CATSPERE: variants seen among roughly 807,000 people sequenced by gnomAD.
CATSPERE encodes the protein catsper channel auxiliary subunit epsilon, also known as cation channel sperm-associated auxiliary subunit epsilon.
In CATSPERE, 93 loss-of-function variants were observed where a neutral mutation model predicts 114.1. The observed-to-expected ratio is 0.81, with a 90% CI of 0.69 to 0.97. The LOEUF is 0.97. Ranked by LOEUF, CATSPERE falls within the 50% of genes least tolerant of loss-of-function variation. The pLI is 0.00. For missense variants in CATSPERE, 1,058 were observed against 1,131.6 expected (o/e 0.93, Z 0.93); for synonymous variants, 341 against 384.1 (o/e 0.89, Z 1.31).
chr1:244,528,785 C>CCACGCACGCGCGCA (rs1553342506), intron 8 of CATSPERE, among the ~76,000 whole-genome samples: 11 of 130,584 alleles, frequency 8.4e-5, no homozygotes, highest in African/African-American at 3.2e-4. Flanking sequence ...CAATCCCCCA[C>CCACGCACGCGCGCA]CACACACACA....
At chr1:244,619,369 T>TA (rs1188357652) in intron 20 of CATSPERE, among the ~76,000 whole-genome samples, 1 of 152,160 alleles carries the variant, frequency 6.6e-6, no homozygotes, top group Non-Finnish European at 1.5e-5. Context: ...AGTTAATTTT[T>TA]AAAAATGCAG....
At chr1:244,597,886 T>A (rs143732007) in intron 17 of CATSPERE, among the ~76,000 whole-genome samples, 307 of 152,298 alleles carry the variant, frequency 2.0e-3, no homozygotes, top group African/African-American at 7.0e-3. Context: ...AAAATGCCCT[T>A]CAATAAGTAA....
In CATSPERE at chr1:244,477,721, T is replaced by A. The variant is rs557943935; in HGVS notation, c.188+107T>A. 148 of 1,000,120 alleles carry A rather than the reference T, an allele frequency of 1.5e-4. 4 individuals carry two copies. In the South Asian group the frequency reaches 2.3e-3, roughly 15 times the overall value. 62.0% of individuals were successfully genotyped at this position (1,000,120 alleles called of 1,614,324 possible). On this transcript the variant is annotated intron_variant, in intron 3 of 21. Transcript: ENST00000366534. ...GTGATTTAATATAAATTTTCTTTCA[T>A]TAAGTAGATGTGAAAAGCAAGACAA...
chr1:244,566,671 T>A (rs1207228556), intron 10 of CATSPERE, among the ~76,000 whole-genome samples: 3 of 121,746 alleles, frequency 2.5e-5, no homozygotes, highest in African/African-American at 9.0e-5. Context: ...TTTTTTTTTT[T>A]TTTTTTTTTT....
chr1:244,472,205 C>T (rs1282310349), intron 2 of CATSPERE, among the ~76,000 whole-genome samples: 2 of 152,186 alleles, frequency 1.3e-5, no homozygotes, highest in Non-Finnish European at 2.9e-5. Context: ...AAGCAGTCCT[C>T]CCATCTCAGC....
intron 14 of CATSPERE, among the ~76,000 whole-genome samples, chr1:244,588,868 G>A (rs1404661457): frequency 6.6e-6 from 1 of 152,110 alleles, no homozygotes; most frequent in Non-Finnish European, 1.5e-5. Flanking sequence ...ATAGGAGGGA[G>A]AAACACTTAC....
intron 5 of CATSPERE, among the ~76,000 whole-genome samples, chr1:244,486,641 C>G (rs1301772116): frequency 8.9e-6 from 1 of 112,258 alleles, no homozygotes; most frequent in African/African-American, 3.4e-5. Context: ...CCCTCGTAGT[C>G]ACCTGGTGGG....
In CATSPERE at chr1:244,640,135, T is replaced by C. The variant is rs1340109070; in HGVS notation, c.*54T>C. 1.9e-5 allele frequency: 26 copies of C among 1,360,372 alleles called. No homozygotes were observed. The highest frequency in any genetic ancestry group is 2.4e-5 in the Non-Finnish European group (24 of 986,728). 84.3% of individuals were successfully genotyped at this position (1,360,372 alleles called of 1,614,324 possible). ...ATATGCATATAGAGAAACAGTGTAT[T>C]ACATAGTGATATTGAGAGTGTGTGT... On this transcript the variant is annotated 3_prime_UTR_variant, in exon 22 of 22. Transcript: ENST00000366534.
Position 244,594,747 on chromosome 1 carries a change from G to A in CATSPERE, c.2303+1169G>A, listed in dbSNP as rs367573856. Among the ~76,000 whole-genome samples the A allele has an allele frequency of 1.2e-4, 19 of 152,234 alleles. 1 individual carries two copies. In the South Asian group the frequency reaches 1.5e-3, roughly 12 times the overall value. ...TAGGTATAGAAGTAATGAATCAGAC[G>A]CTCCAGTTTAGTTTTGCTACCAGAA... On this transcript the variant is annotated intron_variant, in intron 17 of 21. Coordinates refer to ENST00000366534, the MANE Select transcript of CATSPERE (RefSeq NM_001130957.2).
At chr1:244,581,991 A>G in intron 12 of CATSPERE, 137 bp downstream of exon 12, 1 of 444,030 alleles carries the variant, frequency 2.3e-6, no homozygotes, top group Non-Finnish European at 4.1e-6. Context: ...ATGTCTGGAT[A>G]GATGTAAAAT....
intron 20 of CATSPERE, among the ~76,000 whole-genome samples, chr1:244,623,779 A>G (rs1158729952): frequency 6.6e-6 from 1 of 152,246 alleles, no homozygotes; most frequent in East Asian, 1.9e-4. Flanking sequence ...GTGCAACAGC[A>G]TTGCACATTG....
chr1:244,615,479 CGT>C (rs1484356569), intron 19 of CATSPERE, among the ~76,000 whole-genome samples: 2 of 151,440 alleles, frequency 1.3e-5, no homozygotes, highest in African/African-American at 4.9e-5. Context: ...CTTACACAAA[CGT>C]AGGCGGTGTA....
intron 10 of CATSPERE, among the ~76,000 whole-genome samples, chr1:244,565,908 G>A (rs551379113): frequency 6.6e-6 from 1 of 152,192 alleles, no homozygotes; most frequent in South Asian, 2.1e-4. Context: ...TGCTTCTCTA[G>A]TTCTTTTAAT....
chr1:244,535,415 C>T (rs915581223), intron 8 of CATSPERE, among the ~76,000 whole-genome samples: 1 of 152,288 alleles, frequency 6.6e-6, no homozygotes, highest in Admixed American at 6.5e-5. Flanking sequence ...AGTCAGAAAC[C>T]TTAGAAATCT....
At chr1:244,505,380 G>A (rs1026835548) in intron 7 of CATSPERE, among the ~76,000 whole-genome samples, 1 of 152,114 alleles carries the variant, frequency 6.6e-6, no homozygotes, top group African/African-American at 2.4e-5. Context: ...ATGTTTGGTT[G>A]TTTTCCTCTC....
intron 6 of CATSPERE, among the ~76,000 whole-genome samples, chr1:244,490,695 C>T (rs1023535508): frequency 1.3e-5 from 2 of 151,944 alleles, no homozygotes; most frequent in African/African-American, 4.8e-5. Context: ...TTACTTCTAC[C>T]GAGATAATAT....
At chr1:244,638,409 G>A (rs1674910096) in intron 21 of CATSPERE, among the ~76,000 whole-genome samples, 1 of 152,166 alleles carries the variant, frequency 6.6e-6, no homozygotes, top group Non-Finnish European at 1.5e-5. Context: ...TCTCTCCCTA[G>A]TAAAGAAAGC....
In CATSPERE at chr1:244,635,662, A is replaced by G. The variant is rs1023547555; in HGVS notation, c.2702+120A>G. Reference sequence around the variant, plus strand: ...GAAGCAGCCTGTGCACTCACTTTTCAGGGCCCCCAGCTTAAATCTTATTAT... The same window carrying G: ...GAAGCAGCCTGTGCACTCACTTTTCGGGGCCCCCAGCTTAAATCTTATTAT... On this transcript the variant is annotated intron_variant, in intron 21 of 21. Transcript: ENST00000366534. 1.3e-5 allele frequency: 9 copies of G among 669,844 alleles called. No homozygotes were observed. The African/African-American group carries it at 1.5e-4, about 11-fold the overall frequency. 41.5% of individuals were successfully genotyped at this position (669,844 alleles called of 1,614,324 possible).
intron 8 of CATSPERE, among the ~76,000 whole-genome samples, chr1:244,530,236 C>A (rs535953959): frequency 5.3e-5 from 8 of 152,250 alleles, no homozygotes; most frequent in Non-Finnish European, 1.0e-4. Context: ...AGGTGTGAAC[C>A]ACTGCGCCCA....
Sources: gnomAD v4.1 joint callset for allele counts (sites outside exome capture counted in the v4.1 genomes callset) on GRCh38, gnomAD v4.1.1 for gene constraint, MANE v1.5 for transcripts, NCBI Gene and HGNC (gene_info 2026-07-23, HGNC 2026-07-21) for gene names.